Variants in MAGI3 observed in about 807,000 individuals in gnomAD.
The protein encoded by MAGI3 is membrane associated guanylate kinase, WW and PDZ domain containing 3.
In MAGI3, 43 loss-of-function variants were observed where a neutral mutation model predicts 121.8. The ratio of observed to expected loss-of-function variants is 0.35; its 90% CI spans 0.28 to 0.46. The LOEUF is 0.46. Ranked by LOEUF, MAGI3 falls within the 20% of genes least tolerant of loss-of-function variation. The pLI is 1.00. For missense variants in MAGI3, 1,547 were observed against 1,797.3 expected, an observed-to-expected ratio of 0.86 and a Z score of 2.52; for synonymous variants, 553 against 639.3, an observed-to-expected ratio of 0.86 and a Z score of 2.04.
chr1:113,573,868 G>A (rs1165497518), intron 2 of MAGI3, among the ~76,000 whole-genome samples: 1 of 152,142 alleles, frequency 6.6e-6, no homozygotes, highest in African/African-American at 2.4e-5. Flanking sequence ...TTATGAATCT[G>A]GGTGCTCCTG....
chr1:113,515,508 C>T (rs905732748), intron 1 of MAGI3, among the ~76,000 whole-genome samples: 1 of 152,042 alleles, frequency 6.6e-6, no homozygotes, highest in Non-Finnish European at 1.5e-5. Flanking sequence ...AAATTCTGTG[C>T]CAGTCAGCAC....
intron 9 of MAGI3, among the ~76,000 whole-genome samples, chr1:113,629,767 C>CCCCT (rs1651499330): frequency 1.2e-5 from 1 of 86,042 alleles, no homozygotes; most frequent in South Asian, 4.0e-4. Flanking sequence ...TCTCTCCCTC[C>CCCCT]CTCCCTCCCT....
intron 1 of MAGI3, among the ~76,000 whole-genome samples, chr1:113,437,880 C>CTTCTTCCTCTTCCTCTT (rs1557757197): frequency 1.8e-4 from 3 of 17,020 alleles, no homozygotes; most frequent in Admixed American, 7.5e-4. Flanking sequence ...TTCTTCTTCT[C>CTTCTTCCTCTTCCTCTT]CTTCTCCTTC....
At chr1:113,613,674 G>A (rs1413461016) in intron 6 of MAGI3, among the ~76,000 whole-genome samples, 2 of 152,130 alleles carry the variant, frequency 1.3e-5, no homozygotes, top group Non-Finnish European at 2.9e-5. Flanking sequence ...GGACATCATA[G>A]TGCACAACAG....
At chr1:113,565,093 G>T (rs1020871208) in intron 2 of MAGI3, among the ~76,000 whole-genome samples, 1 of 151,584 alleles carries the variant, frequency 6.6e-6, no homozygotes, top group Non-Finnish European at 1.5e-5. Flanking sequence ...CAGGTGATCC[G>T]CCCGCCTCAG....
At chr1:113,559,541 C>T (rs1660136269) in intron 2 of MAGI3, among the ~76,000 whole-genome samples, 2 of 151,996 alleles carry the variant, frequency 1.3e-5, no homozygotes, top group South Asian at 2.1e-4. Context: ...GCTCCCGATA[C>T]AGGAGCACCC....
rs966345435 is a variant in MAGI3, at chr1:113,516,893, T to A, written c.317-32622T>A. Among the ~76,000 whole-genome samples the A allele has an allele frequency of 1.1e-4, 17 of 152,036 alleles. 1 individual carries two copies. The highest frequency in any genetic ancestry group is 2.9e-5 in the Non-Finnish European group (2 of 67,928). The stretch of plus-strand genomic sequence containing the variant: ...AAGTAATAAGAATGGCACTTTACCT[T>A]ACTCGTCTTCCTCTCAAAAACACAT... On this transcript the variant is annotated intron_variant, in intron 1 of 20. Coordinates refer to ENST00000307546, the MANE Select transcript of MAGI3 (RefSeq NM_001142782.2).
intron 12 of MAGI3, among the ~76,000 whole-genome samples, chr1:113,647,351 T>G (rs1652908895): frequency 6.6e-6 from 1 of 152,158 alleles, no homozygotes; most frequent in Non-Finnish European, 1.5e-5. Context: ...TGCCTTTAAC[T>G]ATAAGGAAGG....
chr1:113,579,373 G>A (rs1647865743), intron 2 of MAGI3, among the ~76,000 whole-genome samples: 1 of 152,132 alleles, frequency 6.6e-6, no homozygotes, highest in Non-Finnish European at 1.5e-5. Flanking sequence ...TGAGTGAAAG[G>A]AACATTAAAA....
intron 14 of MAGI3, among the ~76,000 whole-genome samples, chr1:113,653,126 C>T (rs1653265333): frequency 2.0e-5 from 3 of 152,076 alleles, no homozygotes; most frequent in African/African-American, 7.2e-5. Flanking sequence ...GCATTTCTGC[C>T]CTGATGCTTT....
intron 1 of MAGI3, among the ~76,000 whole-genome samples, chr1:113,437,570 G>A (rs565178483): frequency 6.6e-6 from 1 of 151,482 alleles, no homozygotes; most frequent in South Asian, 2.1e-4. Flanking sequence ...GTTTCCCACT[G>A]GCAAAAATAT....
At chr1:113,549,907 G>C (rs556154769) in intron 2 of MAGI3, among the ~76,000 whole-genome samples, 2 of 145,284 alleles carry the variant, frequency 1.4e-5, no homozygotes, top group South Asian at 4.4e-4. Context: ...CTTGAGGTCA[G>C]GAGTTCAAGA....
At chr1:113,394,199 T>C (rs530979792) in intron 1 of MAGI3, among the ~76,000 whole-genome samples, 1 of 152,346 alleles carries the variant, frequency 6.6e-6, no homozygotes, top group South Asian at 2.1e-4. Flanking sequence ...TTTTTTGTTG[T>C]TATAATCTTT....
chr1:113,415,692 C>T (rs1035617012), intron 1 of MAGI3, among the ~76,000 whole-genome samples: 2 of 152,062 alleles, frequency 1.3e-5, no homozygotes, highest in African/African-American at 4.8e-5. Flanking sequence ...CCTACTCTTC[C>T]AGCCTCACAT....
intron 1 of MAGI3, among the ~76,000 whole-genome samples, chr1:113,447,486 T>A (rs1654233386): frequency 2.0e-5 from 3 of 152,204 alleles, no homozygotes; most frequent in Non-Finnish European, 4.4e-5. Context: ...ACAATGGGAA[T>A]TAAACTTCAA....
At chr1:113,682,339 T>G (rs1648276219) in intron 20 of MAGI3, 3 of 1,566,868 alleles carry the variant, frequency 1.9e-6, no homozygotes, top group Admixed American at 4.1e-5. Context: ...TTTCTTCTTT[T>G]GTTTTCTTTT....
chr1:113,465,135 G>C (rs1222025143), intron 1 of MAGI3, among the ~76,000 whole-genome samples: 1 of 151,966 alleles, frequency 6.6e-6, no homozygotes, highest in Non-Finnish European at 1.5e-5. Context: ...GTTGTTCGAG[G>C]TCTTAGATTT....
At chr1:113,441,580 TTGAC>T (rs1169190747) in intron 1 of MAGI3, among the ~76,000 whole-genome samples, 1 of 152,192 alleles carries the variant, frequency 6.6e-6, no homozygotes, top group Admixed American at 6.5e-5. Context: ...GGGAAATACT[TTGAC>T]TGCCAACCAA....
intron 7 of MAGI3, among the ~76,000 whole-genome samples, chr1:113,616,462 T>C (rs1284804871): frequency 6.6e-6 from 1 of 152,230 alleles, no homozygotes; most frequent in African/African-American, 2.4e-5. Context: ...GAATGGCTAC[T>C]CTTTGGCTCT....
Sources: gnomAD v4.1 joint callset for allele counts (sites outside exome capture counted in the v4.1 genomes callset) on GRCh38, gnomAD v4.1.1 for gene constraint, MANE v1.5 for transcripts, NCBI Gene and HGNC (gene_info 2026-07-23, HGNC 2026-07-21) for gene names.